ASXL3: variants seen among roughly 807,000 people sequenced by gnomAD.
ASXL3 encodes ASXL transcriptional regulator 3.
Under a neutral mutation model 170.6 loss-of-function variants are expected in ASXL3, and 34 were observed. The observed-to-expected ratio is 0.20, with a 90% CI of 0.15 to 0.27. The LOEUF is 0.27. ASXL3 is among the 10% of genes least tolerant of loss of function. The pLI is 1.00. For synonymous variants in ASXL3, 1,002 were observed against 989.1 expected (o/e 1.01, Z -0.24); for missense variants, 2,592 against 2,695.3 (o/e 0.96, Z 0.85).
chr18:33,737,949 TTTATACG>T (rs1276498474), intron 10 of ASXL3, among the ~76,000 whole-genome samples: 1 of 152,138 alleles, frequency 6.6e-6, no homozygotes, highest in African/African-American at 2.4e-5. Context: ...AAATATATAT[TTTATACG>T]TTATTTTGCT....
At chr18:33,631,786 T>A (rs542758060) in intron 2 of ASXL3, among the ~76,000 whole-genome samples, 124 of 152,268 alleles carry the variant, frequency 8.1e-4, no homozygotes, top group African/African-American at 2.4e-3. Flanking sequence ...TTGCATTTTT[T>A]AAAAATTTCC....
chr18:33,727,386 G>T (rs2067369578), intron 8 of ASXL3, among the ~76,000 whole-genome samples: 1 of 152,076 alleles, frequency 6.6e-6, no homozygotes, highest in Non-Finnish European at 1.5e-5. Context: ...TGTATGATAT[G>T]CAAGGAGGAA....
In ASXL3 at chr18:33,745,710, C is replaced by T. The variant is rs564627245; in HGVS notation, c.5862C>T (p.Thr1954=). ...TAALLQASSK[T]PVGCNAFAFN... The stretch of plus-strand genomic sequence containing the variant: ...CTCTGTTACAGGCCTCTTCCAAGAC[C>T]CCAGTGGGGTGTAATGCATTTGCCT... The change falls in exon 12 of 12, where the codon ACC becomes ACT. Residue 1954 remains threonine, a synonymous_variant. Coordinates refer to ENST00000269197, the MANE Select transcript of ASXL3 (RefSeq NM_030632.3). The T allele has an allele frequency of 3.2e-5, 51 of 1,613,972 alleles. 2 individuals are homozygous for T. In the South Asian group the frequency reaches 5.4e-4, roughly 17 times the overall value.
intron 1 of ASXL3, among the ~76,000 whole-genome samples, chr18:33,593,258 CTTTTT>C (rs34699815): frequency 1.1e-5 from 1 of 87,936 alleles, no homozygotes; most frequent in Non-Finnish European, 2.3e-5. Context: ...CTATGCCCAC[CTTTTT>C]TTTTTTTTTT....
chr18:33,669,742 A>T (rs1264874357), intron 5 of ASXL3, among the ~76,000 whole-genome samples: 1 of 152,188 alleles, frequency 6.6e-6, no homozygotes, highest in African/African-American at 2.4e-5. Context: ...ATTACACAGA[A>T]ACTAGGAATA....
intron 2 of ASXL3, among the ~76,000 whole-genome samples, chr18:33,624,290 A>T (rs985561789): frequency 2.0e-5 from 3 of 151,872 alleles, no homozygotes; most frequent in African/African-American, 7.3e-5. Flanking sequence ...CTTATTTGTA[A>T]CTCAGCATTT....
At position 33,744,287 on chromosome 18, in the gene ASXL3, C is replaced by A; in HGVS notation, c.4439C>A (p.Thr1480Lys). 3 of 1,614,000 alleles carry A rather than the reference C, an allele frequency of 1.9e-6. No homozygotes were observed. The highest frequency in any genetic ancestry group is 2.5e-6 in the Non-Finnish European group (3 of 1,179,896). The change falls in exon 12 of 12, where the codon ACG becomes AAG. Residue 1480 changes from threonine (T) to lysine (K), a missense_variant. By Grantham distance (78) the Thr-to-Lys change is moderately conservative (BLOSUM62 -1). This residue lies in a region of ASXL3 where 2,246 missense variants were observed against 2,219.6 expected (regional missense o/e 1.01). Coordinates refer to ENST00000269197, the MANE Select transcript of ASXL3 (RefSeq NM_030632.3). ...PCKVIVDHST[T>K]LTSSLSLTVS... ...AAAGTCATCGTTGACCACAGCACCA[C>A]GCTGACCTCCAGTTTGTCTCTGACT...
In ASXL3 at chr18:33,744,536, C is replaced by T; in HGVS notation, c.4688C>T (p.Pro1563Leu). The change falls in exon 12 of 12, where the codon CCC (proline) becomes CTC (leucine). Residue 1563 changes from proline to leucine, a missense_variant. Physicochemically the swap from Pro to Leu is moderately conservative, Grantham distance 98. Around this residue, in one of 4 missense-constraint regions of ASXL3, gnomAD observed 2,246 missense variants for 2,219.6 expected, o/e 1.01. Transcript: ENST00000269197. ...PATCTSLREL[P>L]LVPDKLNEPT... ...ACCTGCACAAGTCTCCGAGAATTAC[C>T]CCTTGTTCCAGATAAATTAAATGAG... 6.2e-7 allele frequency: 1 copy of T among 1,612,102 alleles called. No homozygotes were observed. The highest frequency in any genetic ancestry group is 8.5e-7 in the Non-Finnish European group (1 of 1,179,554).
At chr18:33,606,515 G>A (rs531290373) in intron 1 of ASXL3, among the ~76,000 whole-genome samples, 1 of 152,092 alleles carries the variant, frequency 6.6e-6, no homozygotes, top group South Asian at 2.1e-4. Context: ...GTTATTGACA[G>A]TATAAGAGAT....
At chr18:33,669,636 G>A (rs1028609505) in intron 5 of ASXL3, among the ~76,000 whole-genome samples, 1 of 152,142 alleles carries the variant, frequency 6.6e-6, no homozygotes, top group African/African-American at 2.4e-5. Flanking sequence ...TTGATAGCAA[G>A]GGGAAATACA....
At chr18:33,664,625 A>T (rs1175568677) in intron 5 of ASXL3, among the ~76,000 whole-genome samples, 1 of 152,180 alleles carries the variant, frequency 6.6e-6, no homozygotes, top group African/African-American at 2.4e-5. Context: ...GGAGTAAAAA[A>T]AATAATTTAC....
chr18:33,686,763 A>G (rs150540536), intron 8 of ASXL3, among the ~76,000 whole-genome samples: 64 of 152,330 alleles, frequency 4.2e-4, no homozygotes, highest in African/African-American at 1.5e-3. Flanking sequence ...AGTAGGTACC[A>G]TCAAAAACTT....
chr18:33,623,744 A>T (rs2065554362), intron 2 of ASXL3, among the ~76,000 whole-genome samples: 1 of 152,188 alleles, frequency 6.6e-6, no homozygotes, highest in Non-Finnish European at 1.5e-5. Flanking sequence ...TTTATCTAAA[A>T]TTTCATCAGT....
At chr18:33,655,245 G>T (rs934588102) in intron 4 of ASXL3, among the ~76,000 whole-genome samples, 2 of 151,878 alleles carry the variant, frequency 1.3e-5, no homozygotes, top group African/African-American at 4.8e-5. Context: ...GGTTTATTTT[G>T]CATTTTTTCT....
At chr18:33,709,065 T>C (rs2067010377) in intron 8 of ASXL3, among the ~76,000 whole-genome samples, 1 of 151,972 alleles carries the variant, frequency 6.6e-6, no homozygotes, top group Non-Finnish European at 1.5e-5. Context: ...TAAACATAAA[T>C]GAAACCACAG....
chr18:33,579,470 G>A (rs1476711473), intron 1 of ASXL3, among the ~76,000 whole-genome samples: 1 of 152,134 alleles, frequency 6.6e-6, no homozygotes, highest in African/African-American at 2.4e-5. Flanking sequence ...GGTGTTACTT[G>A]GCTGCTTTTC....
chr18:33,695,702 A>G (rs1048827396), intron 8 of ASXL3, among the ~76,000 whole-genome samples: 1 of 152,092 alleles, frequency 6.6e-6, no homozygotes, highest in African/African-American at 2.4e-5. Context: ...GAAACACAAA[A>G]TCACTTAACC....
chr18:33,663,651 A>G (rs1452053042), intron 5 of ASXL3, among the ~76,000 whole-genome samples: 1 of 152,150 alleles, frequency 6.6e-6, no homozygotes. Context: ...TCTAACCTAT[A>G]GCAAATAAGT....
At chr18:33,733,903 A>G (rs1328804806) in intron 9 of ASXL3, among the ~76,000 whole-genome samples, 5 of 152,048 alleles carry the variant, frequency 3.3e-5, no homozygotes, top group African/African-American at 7.2e-5. Context: ...TACTTTCTAT[A>G]TTTCACTACA....
Sources: gnomAD v4.1 joint callset for allele counts (sites outside exome capture counted in the v4.1 genomes callset) on GRCh38, gnomAD v4.1.1 for gene constraint, gnomAD v4.1.1 regional missense constraint, MANE v1.5 for transcripts, NCBI Gene and HGNC (gene_info 2026-07-23, HGNC 2026-07-21) for gene names.